CDK6: variants seen among roughly 807,000 people sequenced by gnomAD.
CDK6 encodes the protein cyclin-dependent kinase 6.
In CDK6, 6 loss-of-function variants were observed where a neutral mutation model predicts 37.1. The ratio of observed to expected loss-of-function variants is 0.16; its 90% CI spans 0.09 to 0.32. The LOEUF (loss-of-function observed/expected upper bound fraction) is 0.32, where lower values mean the gene tolerates loss of function less well. Among genes scored for constraint, CDK6 ranks in the 10% least tolerant of loss-of-function variants. The probability of loss-of-function intolerance (pLI) is 1.00; values close to 1 mark genes in which losing one functional copy is unlikely to be tolerated. For missense variants in CDK6, 224 were observed against 418.9 expected, an observed-to-expected ratio of 0.53 and a Z score of 4.06; for synonymous variants, 160 against 161.3, an observed-to-expected ratio of 0.99 and a Z score of 0.06.
chr7:92,725,338 T>C (rs1376460094), intron 4 of CDK6: 1 of 985,038 alleles, frequency 1.0e-6, no homozygotes, highest in Non-Finnish European at 1.2e-6. Flanking sequence ...AAAACAGTGG[T>C]TATGGCAGAA....
In CDK6 at chr7:92,761,181, A is replaced by G. The variant is rs147844932; in HGVS notation, c.369+13515T>C. Among the ~76,000 whole-genome samples, 497 of 152,136 alleles carry G rather than the reference A, an allele frequency of 3.3e-3. 2 individuals carry two copies. The highest frequency in any genetic ancestry group is 0.011 in the African/African-American group (477 of 41,522). The stretch of plus-strand genomic sequence containing the variant: ...ATTTTTATAGTCTAATGCATGAATC[A>G]TTTCCTTTGCGATATTTTCTACTGT... On this transcript the variant is annotated intron_variant, in intron 3 of 7. Coordinates refer to ENST00000424848, the MANE Select transcript of CDK6 (RefSeq NM_001145306.2).
chr7:92,778,932 T>TAG (rs1799914779), intron 2 of CDK6, among the ~76,000 whole-genome samples: 1 of 142,848 alleles, frequency 7.0e-6, no homozygotes, highest in African/African-American at 2.7e-5. Context: ...ATCATATATA[T>TAG]ATATATATAT....
At chr7:92,760,134 A>G (rs948742288) in intron 3 of CDK6, among the ~76,000 whole-genome samples, 6 of 152,204 alleles carry the variant, frequency 3.9e-5, no homozygotes, top group African/African-American at 1.4e-4. Flanking sequence ...TATTCTGTAC[A>G]CAGACATTAA....
chr7:92,781,882 C>A (rs1467398440), intron 2 of CDK6, among the ~76,000 whole-genome samples: 1 of 152,142 alleles, frequency 6.6e-6, no homozygotes, highest in Non-Finnish European at 1.5e-5. Flanking sequence ...CTTGTATGCA[C>A]CAAATTTATG....
At chr7:92,645,921 T>C (rs1254214312) in intron 5 of CDK6, among the ~76,000 whole-genome samples, 3 of 152,232 alleles carry the variant, frequency 2.0e-5, no homozygotes, top group Non-Finnish European at 2.9e-5. Flanking sequence ...TGGTATTGAA[T>C]TGAATGGAAA....
intron 4 of CDK6, among the ~76,000 whole-genome samples, chr7:92,708,998 T>A (rs928416817): frequency 2.0e-5 from 3 of 152,188 alleles, no homozygotes; most frequent in Admixed American, 6.5e-5. Flanking sequence ...ATAAATATAT[T>A]TTTATTTCTT....
At chr7:92,779,185 T>C (rs1424185392) in intron 2 of CDK6, among the ~76,000 whole-genome samples, 1 of 152,062 alleles carries the variant, frequency 6.6e-6, no homozygotes, top group Non-Finnish European at 1.5e-5. Flanking sequence ...GTTGCTTTCC[T>C]CAGAGTTATA....
chr7:92,694,432 G>A (rs995291110), intron 4 of CDK6, among the ~76,000 whole-genome samples: 1 of 152,122 alleles, frequency 6.6e-6, no homozygotes, highest in East Asian at 1.9e-4. Flanking sequence ...GCTGTTCACA[G>A]AAACTTGACA....
At chr7:92,635,721 A>G (rs998776289) in intron 5 of CDK6, among the ~76,000 whole-genome samples, 4 of 152,130 alleles carry the variant, frequency 2.6e-5, no homozygotes, top group African/African-American at 4.8e-5. Context: ...GGAAAATTCA[A>G]TGCTGTTATT....
rs73406763 is a variant in CDK6 at position 92,720,093 on chromosome 7, T to C, written c.537+5533A>G. 2.0e-3 allele frequency among the ~76,000 whole-genome samples: 304 copies of C among 152,220 alleles called. 1 individual carries two copies. The highest frequency in any genetic ancestry group is 7.1e-3 in the African/African-American group (293 of 41,554). ...GGCAAAAGTTTTATTGAGGTCTACA[T>C]AAAAAAAGAAAACCAGGAGGCACCA... is the stretch of plus-strand genomic sequence containing the variant. On this transcript the variant is annotated intron_variant, in intron 4 of 7. Transcript: ENST00000424848.
chr7:92,704,659 T>C (rs942277118), intron 4 of CDK6, among the ~76,000 whole-genome samples: 7 of 152,226 alleles, frequency 4.6e-5, no homozygotes. Context: ...CCTGTAGCTA[T>C]AGCTCATTCA....
intron 2 of CDK6, among the ~76,000 whole-genome samples, chr7:92,812,022 C>T (rs1402419005): frequency 6.6e-6 from 1 of 152,058 alleles, no homozygotes; most frequent in African/African-American, 2.4e-5. Flanking sequence ...GCCTGTAATC[C>T]CAGCTACTCA....
intron 3 of CDK6, among the ~76,000 whole-genome samples, chr7:92,744,987 C>T (rs1416448671): frequency 6.6e-6 from 1 of 151,566 alleles, no homozygotes; most frequent in African/African-American, 2.4e-5. Context: ...CAAATAATAA[C>T]TATATATATA....
chr7:92,615,896 T>G (rs936530202), intron 7 of CDK6, among the ~76,000 whole-genome samples: 1 of 152,234 alleles, frequency 6.6e-6, no homozygotes, highest in Middle Eastern at 3.2e-3. Context: ...GGGAAACCTT[T>G]GCAGTAGCAG....
chr7:92,719,474 A>G (rs1322344610), intron 4 of CDK6, among the ~76,000 whole-genome samples: 1 of 152,196 alleles, frequency 6.6e-6, no homozygotes, highest in Non-Finnish European at 1.5e-5. Flanking sequence ...TCTATGGAAT[A>G]AAGGGTGTTT....
chr7:92,730,686 A>ATTGTTCCTTTAAGG (rs1679647940), intron 3 of CDK6, among the ~76,000 whole-genome samples: 1 of 152,126 alleles, frequency 6.6e-6, no homozygotes, highest in Non-Finnish European at 1.5e-5. Context: ...TTTAAGGTTC[A>ATTGTTCCTTTAAGG]TTCATGTTGT....
intron 3 of CDK6, among the ~76,000 whole-genome samples, chr7:92,751,919 C>T (rs1048028831): frequency 4.0e-5 from 6 of 151,872 alleles, no homozygotes; most frequent in Admixed American, 6.6e-5. Flanking sequence ...CCAGAGGGCA[C>T]GGAAATGCTA....
At chr7:92,630,279 A>AT (rs1554396882) in intron 5 of CDK6, among the ~76,000 whole-genome samples, 1 of 146,726 alleles carries the variant, frequency 6.8e-6, no homozygotes. Context: ...GCCAAATTAC[A>AT]TTATTTATTT....
Position 92,774,567 on chromosome 7 carries a change from T to G in CDK6, c.369+129A>C, listed in dbSNP as rs113943559. On this transcript the variant is annotated intron_variant, in intron 3 of 7. Transcript: ENST00000424848. ...TATCCCAATCTTTGAACATTTTCTTTGATTTTTTTAACTATATACCGAATT... is the reference window on the plus strand; with the variant it reads ...TATCCCAATCTTTGAACATTTTCTTGGATTTTTTTAACTATATACCGAATT... 7 of 763,320 alleles carry G rather than the reference T, an allele frequency of 9.2e-6. No homozygotes were observed. The African/African-American group carries it at 1.1e-4, about 12-fold the overall frequency. The allele number at this position is 763,320 out of a possible 1,614,324, so 47.3% of individuals were successfully genotyped here.
Sources: allele counts gnomAD v4.1 joint callset (sites outside exome capture counted in the v4.1 genomes callset), GRCh38; gene constraint gnomAD v4.1.1; transcripts MANE v1.5; gene names NCBI Gene and HGNC (gene_info 2026-07-23, HGNC 2026-07-21).